The following TPGS2 variants were observed in gnomAD, a reference collection of about 807,000 sequenced individuals.
The protein encoded by TPGS2 is polyglutamylase subunit 2.
A neutral mutation model predicts 31.1 loss-of-function variants in TPGS2; 26 were observed. That is an observed-to-expected ratio of 0.84 (90% CI 0.61 to 1.16). The LOEUF is 1.16. Ranked by LOEUF, TPGS2 falls within the 50% of genes most tolerant of loss-of-function variation. The pLI is 0.00. For missense variants in TPGS2, 351 were observed against 363.8 expected, an observed-to-expected ratio of 0.96 and a Z score of 0.29; for synonymous variants, 130 against 136.6, an observed-to-expected ratio of 0.95 and a Z score of 0.34.
chr18:36,782,627 A>G (rs964752014), downstream of TPGS2, among the ~76,000 whole-genome samples: 1 of 152,054 alleles, frequency 6.6e-6, no homozygotes, highest in African/African-American at 2.4e-5. Context: ...ACTGAAGATG[A>G]TGTTTTTGAG....
At chr18:36,804,220 C>G (rs146723265) in intron 4 of TPGS2, among the ~76,000 whole-genome samples, 2 of 152,174 alleles carry the variant, frequency 1.3e-5, no homozygotes, top group Non-Finnish European at 2.9e-5. Context: ...TTTAATGAGA[C>G]TTAGGTATAC....
At chr18:36,828,282 G>A (rs2046283057) in intron 1 of TPGS2, among the ~76,000 whole-genome samples, 1 of 152,196 alleles carries the variant, frequency 6.6e-6, no homozygotes. Context: ...CGCCCTGGGA[G>A]GTCGGGTGCA....
chr18:36,805,314 A>G, intron 4 of TPGS2, 60 bp downstream of exon 4: 1 of 1,584,044 alleles, frequency 6.3e-7, no homozygotes, highest in Non-Finnish European at 8.7e-7. Context: ...AGTACCTACT[A>G]TGCGCCAGGC....
At chr18:36,815,946 C>A (rs1391825166) in intron 2 of TPGS2, among the ~76,000 whole-genome samples, 17 of 152,098 alleles carry the variant, frequency 1.1e-4, no homozygotes, top group Admixed American at 1.1e-3. Flanking sequence ...CCACTTTGGC[C>A]TCTCAAGTAG....
At chr18:36,793,736 TTTC>T (rs1385035051), downstream of TPGS2, among the ~76,000 whole-genome samples, 1 of 148,436 alleles carries the variant, frequency 6.7e-6, no homozygotes, top group Non-Finnish European at 1.5e-5. Flanking sequence ...ATATTTTCTT[TTTC>T]TTTTTTTTTT....
intron 2 of TPGS2, among the ~76,000 whole-genome samples, chr18:36,815,008 C>T (rs1009819738): frequency 6.6e-6 from 1 of 152,210 alleles, no homozygotes; most frequent in South Asian, 2.1e-4. Flanking sequence ...GGGCAAAGGG[C>T]CCCTTCTTAG....
At chr18:36,790,510 C>T (rs1368917863), downstream of TPGS2, among the ~76,000 whole-genome samples, 1 of 152,158 alleles carries the variant, frequency 6.6e-6, no homozygotes, top group Non-Finnish European at 1.5e-5. Flanking sequence ...TACAAAGATC[C>T]CATTTTCAGA....
At chr18:36,812,576 T>A (rs2045479853) in intron 2 of TPGS2, among the ~76,000 whole-genome samples, 1 of 152,182 alleles carries the variant, frequency 6.6e-6, no homozygotes, top group African/African-American at 2.4e-5. Context: ...CATCTCTTCA[T>A]CTGTATCCTT....
chr18:36,796,988 G>GT lies in TPGS2; in HGVS notation c.719dup (p.Asp240GlufsTer6). 1 of 1,602,536 alleles carries GT rather than the reference G, an allele frequency of 6.2e-7. No individual in the cohort carries two copies. Among genetic ancestry groups the GT allele is most frequent in the South Asian group, 1.1e-5 (1 of 87,592 alleles). The stretch of plus-strand genomic sequence containing the variant: ...TGGGATCTAGCTTATTCACAAAGGA[G>GT]TCGGTCTCTTCTGTGAGCAGGTTTG... On this transcript the variant is annotated frameshift_variant, in exon 7 of 7. Transcript: ENST00000334295. LOFTEE classifies it high-confidence loss of function.
At chr18:36,784,308 G>C (rs1379991721) in intron 6 of TPGS2, among the ~76,000 whole-genome samples, 1 of 152,254 alleles carries the variant, frequency 6.6e-6, no homozygotes, top group African/African-American at 2.4e-5. Flanking sequence ...CTGGGAAAAA[G>C]GAGAGTCATG....
At chr18:36,815,755 A>C (rs2045625554) in intron 2 of TPGS2, among the ~76,000 whole-genome samples, 1 of 152,224 alleles carries the variant, frequency 6.6e-6, no homozygotes, top group South Asian at 2.1e-4. Flanking sequence ...CCAGGCCTTT[A>C]CAAGCCCCGA....
exon 7 of TPGS2, chr18:36,783,081 A>G (rs1306694339): frequency 7.5e-6 from 3 of 398,348 alleles, no homozygotes; most frequent in African/African-American, 6.2e-5. Context: ...TTCCTCTTGG[A>G]TTATTTAAAT....
intron 1 of TPGS2, among the ~76,000 whole-genome samples, chr18:36,820,505 G>A (rs2045849976): frequency 6.6e-6 from 1 of 152,176 alleles, no homozygotes; most frequent in African/African-American, 2.4e-5. Flanking sequence ...TGAGGAGGTG[G>A]TGTTGGGGAT....
At chr18:36,809,187 T>C (rs1464225898) in intron 2 of TPGS2, among the ~76,000 whole-genome samples, 1 of 152,194 alleles carries the variant, frequency 6.6e-6, no homozygotes, top group Admixed American at 6.5e-5. Flanking sequence ...ACTCTGTGAA[T>C]CTAGGTTCAA....
intron 1 of TPGS2, chr18:36,823,749 C>A: frequency 1.1e-6 from 1 of 878,050 alleles, no homozygotes; most frequent in Non-Finnish European, 1.4e-6. Flanking sequence ...CGTGAGCCAC[C>A]GCGCCCGGCC....
intron 2 of TPGS2, among the ~76,000 whole-genome samples, chr18:36,814,587 G>A (rs1418073543): frequency 6.6e-6 from 1 of 152,126 alleles, no homozygotes; most frequent in Non-Finnish European, 1.5e-5. Flanking sequence ...TATACATGAT[G>A]AACATGAGAT....
At chr18:36,814,610 C>T (rs1013265100) in intron 2 of TPGS2, among the ~76,000 whole-genome samples, 7 of 152,142 alleles carry the variant, frequency 4.6e-5, no homozygotes, top group Non-Finnish European at 1.0e-4. Flanking sequence ...AGAGAAGTTA[C>T]ATTACTTAGC....
intron 6 of TPGS2, 155 bp downstream of exon 6, chr18:36,798,294 G>T: frequency 6.8e-7 from 1 of 1,460,222 alleles, no homozygotes; most frequent in Non-Finnish European, 9.1e-7. Flanking sequence ...CTGTCCATTG[G>T]AATCATCTGT....
chr18:36,798,430 G>A lies in TPGS2; in HGVS notation c.657+19C>T. 6.2e-7 allele frequency: 1 copy of A among 1,614,034 alleles called. No individual in the cohort carries two copies. Among genetic ancestry groups the A allele is most frequent in the Admixed American group, 1.7e-5 (1 of 60,002 alleles). ...TTGGAATATACCATAGTTTACAATG[G>A]CAGGTGTTCCTCCCTTACCTTGGCC... On this transcript the variant is annotated intron_variant, in intron 6 of 6. Transcript: ENST00000334295.
Sources: allele counts gnomAD v4.1 joint callset (sites outside exome capture counted in the v4.1 genomes callset), GRCh38; gene constraint gnomAD v4.1.1; transcripts MANE v1.5; gene names NCBI Gene and HGNC (gene_info 2026-07-23, HGNC 2026-07-21).